The following ATG7 variants were observed in gnomAD, a reference collection of about 807,000 sequenced individuals.
The protein encoded by ATG7 is ubiquitin-like modifier-activating enzyme ATG7.
A neutral mutation model predicts 82.4 loss-of-function variants in ATG7; 70 were observed. The ratio of observed to expected loss-of-function variants is 0.85; its 90% CI spans 0.70 to 1.04. The LOEUF (loss-of-function observed/expected upper bound fraction) is 1.04. Ranked by LOEUF, ATG7 falls within the 50% of genes least tolerant of loss-of-function variation. The pLI is 0.00. For synonymous variants in ATG7, 287 were observed against 313.0 expected, an observed-to-expected ratio of 0.92 and a Z score of 0.88; for missense variants, 792 against 864.3, an observed-to-expected ratio of 0.92 and a Z score of 1.05.
At chr3:11,506,375 A>G (rs1197153823) in intron 20 of ATG7, among the ~76,000 whole-genome samples, 1 of 152,148 alleles carries the variant, frequency 6.6e-6, no homozygotes, top group African/African-American at 2.4e-5. Context: ...AGTGCTTAGT[A>G]GCCTCTTGGC....
At chr3:11,498,574 C>A (rs1220101137) in intron 20 of ATG7, among the ~76,000 whole-genome samples, 1 of 152,232 alleles carries the variant, frequency 6.6e-6, no homozygotes, top group Non-Finnish European at 1.5e-5. Context: ...TGTGACCAAA[C>A]CCCTCCCCAC....
intron 11 of ATG7, among the ~76,000 whole-genome samples, chr3:11,338,334 A>C (rs572439173): frequency 3.3e-5 from 5 of 152,268 alleles, no homozygotes; most frequent in Non-Finnish European, 5.9e-5. Flanking sequence ...TGTGTGTACC[A>C]CATTTTCTTT....
chr3:11,307,455 G>A (rs1298590949), intron 6 of ATG7, among the ~76,000 whole-genome samples: 1 of 152,184 alleles, frequency 6.6e-6, no homozygotes, highest in Non-Finnish European at 1.5e-5. Context: ...CACCATGGCG[G>A]TAGAGGAGAT....
At chr3:11,503,930 G>T (rs1210929254) in intron 20 of ATG7, among the ~76,000 whole-genome samples, 3 of 151,946 alleles carry the variant, frequency 2.0e-5, no homozygotes, top group Non-Finnish European at 1.5e-5. Flanking sequence ...GATGGATCAG[G>T]CTAGAAGCAA....
At chr3:11,341,105 A>G (rs1953520822) in intron 12 of ATG7, among the ~76,000 whole-genome samples, 1 of 132,006 alleles carries the variant, frequency 7.6e-6, no homozygotes, top group Non-Finnish European at 1.6e-5. Flanking sequence ...TGCACTGTGC[A>G]GGCTGGAATA....
At chr3:11,345,171 C>G (rs112559922) in intron 13 of ATG7, among the ~76,000 whole-genome samples, 1 of 151,766 alleles carries the variant, frequency 6.6e-6, no homozygotes, top group African/African-American at 2.4e-5. Flanking sequence ...TTTGGGAGGC[C>G]GAGGCGGGCG....
chr3:11,457,937 G>A (rs965507501), intron 20 of ATG7, among the ~76,000 whole-genome samples: 7 of 152,196 alleles, frequency 4.6e-5, no homozygotes, highest in Non-Finnish European at 1.0e-4. Context: ...GGAAGTAACC[G>A]GTAAGTATAT....
In ATG7 at chr3:11,557,053, C is replaced by T. The variant is rs576427998; in HGVS notation, c.*2210C>T. ...CCACAAAGCCTTGCAGGTGAGGTGA[C>T]CACGCCCACGTCACCTGGTCAGGTG... is the stretch of plus-strand genomic sequence containing the variant. On this transcript the variant is annotated 3_prime_UTR_variant, in exon 21 of 21. Transcript: ENST00000693202. 4.6e-5 allele frequency: 7 copies of T among 152,600 alleles called. No individual in the cohort carries two copies. In the South Asian group the frequency reaches 1.5e-3, roughly 32 times the overall value. The allele number at this position is 152,600 out of a possible 1,614,324, so 9.5% of individuals were successfully genotyped here.
In ATG7 at chr3:11,362,999, T is replaced by C. The variant is rs865974363; in HGVS notation, c.1799+71T>C. 16 of 1,319,718 alleles carry C rather than the reference T, an allele frequency of 1.2e-5. No homozygotes were observed. In the Middle Eastern group the frequency reaches 7.3e-4, roughly 60 times the overall value. The allele number at this position is 1,319,718 out of a possible 1,614,324, so 81.8% of individuals were successfully genotyped here. On this transcript the variant is annotated intron_variant, in intron 17 of 20. Coordinates refer to ENST00000693202, the MANE Select transcript of ATG7 (RefSeq NM_001349232.2). ...GGCAGTTGTTCATCAGTGTCTCCCA[T>C]GGCCTTTTCTCAGTCTGACTTTACA...
chr3:11,281,955 C>T (rs565847133), intron 2 of ATG7, among the ~76,000 whole-genome samples: 4 of 152,242 alleles, frequency 2.6e-5, no homozygotes, highest in Admixed American at 6.5e-5. Flanking sequence ...CATAACTCAG[C>T]CAGCTTTTAG....
intron 19 of ATG7, among the ~76,000 whole-genome samples, chr3:11,423,693 C>CG (rs1553655913): frequency 1.3e-5 from 2 of 151,996 alleles, no homozygotes; most frequent in Non-Finnish European, 2.9e-5. Flanking sequence ...ACTCTACGCA[C>CG]GTAATGGTCC....
chr3:11,516,034 A>T (rs1162410771), intron 20 of ATG7, among the ~76,000 whole-genome samples: 2 of 151,080 alleles, frequency 1.3e-5, no homozygotes, highest in African/African-American at 4.9e-5. Flanking sequence ...TCCTTTTTAA[A>T]AAAAAAAAAA....
At chr3:11,463,234 A>G (rs1559677005) in intron 20 of ATG7, among the ~76,000 whole-genome samples, 1 of 152,074 alleles carries the variant, frequency 6.6e-6, no homozygotes, top group Non-Finnish European at 1.5e-5. Flanking sequence ...TTCCCTAACT[A>G]CTACTGACTT....
chr3:11,458,645 A>C (rs1433179834), intron 20 of ATG7, among the ~76,000 whole-genome samples: 1 of 152,230 alleles, frequency 6.6e-6, no homozygotes, highest in East Asian at 1.9e-4. Context: ...GCTGGAACTC[A>C]GTTCCCTCTA....
intron 12 of ATG7, 143 bp from the exon 13 acceptor site, chr3:11,341,992 C>A: frequency 9.9e-7 from 1 of 1,006,404 alleles, no homozygotes; most frequent in Non-Finnish European, 1.4e-6. Context: ...CTCCTCCCTG[C>A]TTACCCTCCA....
At chr3:11,326,284 C>T (rs1950864030) in intron 9 of ATG7, among the ~76,000 whole-genome samples, 1 of 101,934 alleles carries the variant, frequency 9.8e-6, no homozygotes, top group South Asian at 3.3e-4. Flanking sequence ...GTTGTAAATG[C>T]TGTTTTTTTT....
rs947669222 is a variant in ATG7 at position 11,557,109 on chromosome 3, G to A, written c.*2266G>A. ...GTCGTGAGCCTCTGGTGGGCCAGGT[G>A]GGACACAGCACACCCCAGGGGGAGG... is the stretch of plus-strand genomic sequence containing the variant. On this transcript the variant is annotated 3_prime_UTR_variant, in exon 21 of 21. Transcript: ENST00000693202. 2 of 152,486 alleles carry A rather than the reference G, an allele frequency of 1.3e-5. No individual in the cohort carries two copies. The highest frequency in any genetic ancestry group is 4.8e-5 in the African/African-American group (2 of 41,430). 9.4% of individuals were successfully genotyped at this position (152,486 alleles called of 1,614,324 possible).
chr3:11,313,276 A>G, intron 7 of ATG7, 28 bp from the exon 8 acceptor site: 1 of 1,470,594 alleles, frequency 6.8e-7, no homozygotes, highest in Non-Finnish European at 9.4e-7. Flanking sequence ...GTGCTATTCT[A>G]ATAACTTATT....
chr3:11,383,225 CTGGCTCCCTTCAA>C (rs1435635590), intron 19 of ATG7, among the ~76,000 whole-genome samples: 1 of 152,196 alleles, frequency 6.6e-6, no homozygotes, highest in Non-Finnish European at 1.5e-5. Context: ...TGTCGTGTCT[CTGGCTCCCTTCAA>C]TCTGGAAAAG....
Sources: allele counts gnomAD v4.1 joint callset (sites outside exome capture counted in the v4.1 genomes callset), GRCh38; gene constraint gnomAD v4.1.1; transcripts MANE v1.5; gene names NCBI Gene and HGNC (gene_info 2026-07-23, HGNC 2026-07-21).